The following HEMK2 variants were observed in gnomAD, a reference collection of about 807,000 sequenced individuals.
The protein encoded by HEMK2 is HemK methyltransferase 2, ETF1 glutamine and histone H4 lysine, also known as methyltransferase HEMK2.
At chr21:28,811,393 G>A in the HEMK2 span, among the ~76,000 whole-genome samples, 2 of 105,880 alleles carry the variant, frequency 1.9e-5, no homozygotes, top group Non-Finnish European at 3.5e-5. Context: ...GAAGGAAGGA[G>A]AAACAGAGAA....
At chr21:28,782,704 C>T in the HEMK2 span, among the ~76,000 whole-genome samples, 1 of 152,028 alleles carries the variant, frequency 6.6e-6, no homozygotes, top group Non-Finnish European at 1.5e-5. Context: ...AGAGTGATTG[C>T]TAATGAGTAT....
At chr21:28,584,760 G>C in the HEMK2 span, among the ~76,000 whole-genome samples, 1 of 151,984 alleles carries the variant, frequency 6.6e-6, no homozygotes, top group Non-Finnish European at 1.5e-5. Context: ...GTAAAGCTGG[G>C]GCTGATAGAG....
chr21:28,627,474 CCCA>C, the HEMK2 span, among the ~76,000 whole-genome samples: 2 of 152,206 alleles, frequency 1.3e-5, no homozygotes, highest in South Asian at 4.2e-4. Flanking sequence ...TTTTAGCCTC[CCCA>C]CGTTTCAATA....
the HEMK2 span, among the ~76,000 whole-genome samples, chr21:28,663,316 C>T: frequency 2.0e-5 from 3 of 152,170 alleles, no homozygotes; most frequent in Non-Finnish European, 4.4e-5. Flanking sequence ...GACTGCAGTG[C>T]GGTAATGTGA....
chr21:28,654,307 T>C, the HEMK2 span, among the ~76,000 whole-genome samples: 2 of 152,168 alleles, frequency 1.3e-5, no homozygotes, highest in Admixed American at 6.6e-5. Context: ...CTAAGTATAC[T>C]GTCTGCCTGC....
At chr21:28,768,284 A>G in the HEMK2 span, among the ~76,000 whole-genome samples, 1 of 152,102 alleles carries the variant, frequency 6.6e-6, no homozygotes, top group Non-Finnish European at 1.5e-5. Context: ...AAGCTTGTCC[A>G]AAGGATACAT....
At chr21:28,812,369 T>C in the HEMK2 span, among the ~76,000 whole-genome samples, 4 of 152,210 alleles carry the variant, frequency 2.6e-5, no homozygotes, top group East Asian at 1.9e-4. Flanking sequence ...TTGAATTTTA[T>C]TGAAGGCCTT....
At chr21:28,630,249 G>A in the HEMK2 span, among the ~76,000 whole-genome samples, 2 of 152,060 alleles carry the variant, frequency 1.3e-5, no homozygotes, top group African/African-American at 4.8e-5. Context: ...ACACCAGTTA[G>A]AATGGCGATC....
the HEMK2 span, among the ~76,000 whole-genome samples, chr21:28,736,498 G>A: frequency 6.6e-6 from 1 of 152,192 alleles, no homozygotes; most frequent in African/African-American, 2.4e-5. Context: ...GCTCATGCCT[G>A]TAATCCCAAC....
the HEMK2 span, among the ~76,000 whole-genome samples, chr21:28,835,939 A>T: frequency 6.7e-6 from 1 of 149,156 alleles, no homozygotes; most frequent in South Asian, 2.2e-4. Context: ...ACAAAGACAA[A>T]GAAAAAAAAA....
At chr21:28,877,264 GGAA>G in the HEMK2 span, among the ~76,000 whole-genome samples, 42 of 68,674 alleles carry the variant, frequency 6.1e-4, no homozygotes, top group Non-Finnish European at 5.7e-4. Flanking sequence ...GAGAAGGGAA[GGAA>G]GGAAGGAAGG....
chr21:28,587,539 C>A, the HEMK2 span, among the ~76,000 whole-genome samples: 1 of 152,170 alleles, frequency 6.6e-6, no homozygotes, highest in Non-Finnish European at 1.5e-5. Flanking sequence ...GGGTAAGCCA[C>A]CTTTTCCTTC....
chr21:28,772,410 T>G, the HEMK2 span, among the ~76,000 whole-genome samples: 2 of 152,298 alleles, frequency 1.3e-5, no homozygotes, highest in East Asian at 3.9e-4. Context: ...GTCTCTGGTT[T>G]TGGCAGCTCA....
the HEMK2 span, among the ~76,000 whole-genome samples, chr21:28,758,510 T>A: frequency 6.6e-6 from 1 of 151,970 alleles, no homozygotes; most frequent in East Asian, 1.9e-4. Context: ...GGAAAGGAAA[T>A]CCGTGTGGCA....
At chr21:28,717,440 T>G in the HEMK2 span, among the ~76,000 whole-genome samples, 1,465 of 152,058 alleles carry the variant, frequency 9.6e-3, 23 homozygotes, top group African/African-American at 0.033. Flanking sequence ...TCTGAGGATC[T>G]TTTGTATTTC....
the HEMK2 span, among the ~76,000 whole-genome samples, chr21:28,800,930 A>G: frequency 2.6e-5 from 4 of 152,220 alleles, no homozygotes; most frequent in Non-Finnish European, 4.4e-5. Flanking sequence ...CTTTTTACTC[A>G]TCTCATACAG....
At chr21:28,672,328 T>C in the HEMK2 span, among the ~76,000 whole-genome samples, 3 of 151,966 alleles carry the variant, frequency 2.0e-5, no homozygotes, top group African/African-American at 7.2e-5. Flanking sequence ...GGTGTTAAAT[T>C]TCCACTGGAA....
At chr21:28,634,276 T>C in the HEMK2 span, among the ~76,000 whole-genome samples, 3 of 152,160 alleles carry the variant, frequency 2.0e-5, no homozygotes, top group Non-Finnish European at 4.4e-5. Context: ...GGGAATCCTA[T>C]GGAACTGAGC....
chr21:28,751,658 C>T, the HEMK2 span, among the ~76,000 whole-genome samples: 1 of 152,156 alleles, frequency 6.6e-6, no homozygotes, highest in Admixed American at 6.5e-5. Context: ...TGTTCAGAAC[C>T]ACCATAAGCA....
Sources: gnomAD v4.1 joint callset for allele counts (sites outside exome capture counted in the v4.1 genomes callset) on GRCh38, gnomAD v4.1.1 for gene constraint, MANE v1.5 for transcripts, NCBI Gene and HGNC (gene_info 2026-07-23, HGNC 2026-07-21) for gene names.